THEMIS: variants seen among roughly 807,000 people sequenced by gnomAD.
THEMIS encodes the protein thymocyte selection associated, also known as protein THEMIS.
Under a neutral mutation model 52.6 loss-of-function variants are expected in THEMIS, and 37 were observed. The observed-to-expected ratio is 0.70, with a 90% CI of 0.54 to 0.93. THEMIS has a LOEUF of 0.93. Among genes scored for constraint, THEMIS ranks in the 40% least tolerant of loss-of-function variants. The probability of loss-of-function intolerance (pLI) is 0.00; values close to 1 mark genes in which losing one functional copy is unlikely to be tolerated. For synonymous variants in THEMIS, 292 were observed against 272.7 expected, an observed-to-expected ratio of 1.07 and a Z score of -0.70; for missense variants, 808 against 763.1, an observed-to-expected ratio of 1.06 and a Z score of -0.69.
At chr6:127,717,685 A>G (rs1052256931) in intron 5 of THEMIS, among the ~76,000 whole-genome samples, 2 of 151,914 alleles carry the variant, frequency 1.3e-5, no homozygotes, top group African/African-American at 4.8e-5. Context: ...TTGAATACCA[A>G]GATAACTAGT....
At chr6:127,696,800 T>C in the THEMIS span, among the ~76,000 whole-genome samples, 305 of 152,196 alleles carry the variant, frequency 2.0e-3, 1 homozygote, top group African/African-American at 7.0e-3. Context: ...TACATAGTCT[T>C]TCCTCTGTGC....
intron 2 of THEMIS, among the ~76,000 whole-genome samples, chr6:127,832,777 CTTTTTTTTT>C (rs11355741): frequency 1.7e-5 from 1 of 57,796 alleles, no homozygotes; most frequent in Non-Finnish European, 2.9e-5. Context: ...ATTGTCAGAT[CTTTTTTTTT>C]TTTTTTTTTT....
chr6:127,842,728 G>T (rs534231756), intron 2 of THEMIS, among the ~76,000 whole-genome samples: 1 of 152,010 alleles, frequency 6.6e-6, no homozygotes, highest in Admixed American at 6.6e-5. Context: ...ACATTCCAAG[G>T]TAATAAATAT....
chr6:127,761,635 A>G (rs1423901610), intron 4 of THEMIS, among the ~76,000 whole-genome samples: 1 of 152,164 alleles, frequency 6.6e-6, no homozygotes, highest in African/African-American at 2.4e-5. Flanking sequence ...CCTTCCCTAT[A>G]GAAAGGACCT....
At chr6:127,798,089 CGTAT>C (rs1310519464) in intron 4 of THEMIS, among the ~76,000 whole-genome samples, 4 of 152,114 alleles carry the variant, frequency 2.6e-5, no homozygotes, top group Admixed American at 1.3e-4. Context: ...GAATCATGCA[CGTAT>C]GTGTGTCTGA....
chr6:127,863,463 G>A (rs1779873459), intron 1 of THEMIS, among the ~76,000 whole-genome samples: 1 of 152,062 alleles, frequency 6.6e-6, no homozygotes, highest in Admixed American at 6.6e-5. Flanking sequence ...GCTTATCTGG[G>A]ATGTACACAC....
At chr6:127,712,303 C>G (rs1329886034) in intron 5 of THEMIS, among the ~76,000 whole-genome samples, 1 of 151,906 alleles carries the variant, frequency 6.6e-6, no homozygotes, top group African/African-American at 2.4e-5. Flanking sequence ...CCTGCCTGAT[C>G]TAACCCAATC....
At chr6:127,880,347 C>G (rs1456972511) in intron 1 of THEMIS, among the ~76,000 whole-genome samples, 1 of 151,948 alleles carries the variant, frequency 6.6e-6, no homozygotes. Flanking sequence ...ACTCTTTGAG[C>G]AAGCCAAATA....
the THEMIS span, among the ~76,000 whole-genome samples, chr6:127,697,251 C>T: frequency 6.6e-6 from 1 of 152,178 alleles, no homozygotes; most frequent in South Asian, 2.1e-4. Context: ...TGACTCCTCT[C>T]TATTTCCCAC....
intron 4 of THEMIS, among the ~76,000 whole-genome samples, chr6:127,771,589 GA>G (rs1210685251): frequency 1.3e-5 from 2 of 152,120 alleles, no homozygotes; most frequent in Non-Finnish European, 2.9e-5. Context: ...GAACAGAACA[GA>G]AGCCTCAGAA....
chr6:127,832,992 C>T (rs1778750955), intron 2 of THEMIS, among the ~76,000 whole-genome samples: 1 of 151,812 alleles, frequency 6.6e-6, no homozygotes, highest in Non-Finnish European at 1.5e-5. Flanking sequence ...CCATGTTGGC[C>T]AAGCTGGTCT....
Position 127,813,639 on chromosome 6 carries a change from G to A in THEMIS, c.1002C>T (p.Ile334=), listed in dbSNP as rs1393022141. 6.2e-7 allele frequency: 1 copy of A among 1,614,004 alleles called. No individual in the cohort carries two copies. Among genetic ancestry groups the A allele is most frequent in the Admixed American group, 1.7e-5 (1 of 59,990 alleles). ...TGAACTTGCCTTTATAGCTAGTGGG[G>A]ATCAAGAAGTGTCTTTTAGGAAAAT... ...RSNFPKRHFL[I]PTSYKGKFKR... Residue 334 remains isoleucine, a synonymous_variant, in exon 4 of 6, where the codon ATC becomes ATT. Coordinates refer to ENST00000368248, the MANE Select transcript of THEMIS (RefSeq NM_001010923.3).
chr6:127,898,409 C>T (rs541287627), intron 1 of THEMIS, among the ~76,000 whole-genome samples: 17 of 151,740 alleles, frequency 1.1e-4, no homozygotes, highest in African/African-American at 4.1e-4. Flanking sequence ...CTTATAGAAT[C>T]AATTGATTTA....
chr6:127,840,598 T>C (rs1480718525), intron 2 of THEMIS, among the ~76,000 whole-genome samples: 1 of 152,096 alleles, frequency 6.6e-6, no homozygotes, highest in Non-Finnish European at 1.5e-5. Context: ...AATAAATACA[T>C]CTTATAGCTT....
chr6:127,834,173 G>T (rs866448867), intron 2 of THEMIS, among the ~76,000 whole-genome samples: 25 of 152,190 alleles, frequency 1.6e-4, no homozygotes, highest in Middle Eastern at 6.8e-3. Context: ...CTGAGTATTT[G>T]GGAGGGCAGA....
chr6:127,821,173 T>TGA (rs34348403), intron 3 of THEMIS, among the ~76,000 whole-genome samples: 229 of 149,466 alleles, frequency 1.5e-3, no homozygotes, highest in African/African-American at 3.0e-3. Flanking sequence ...TCTGTGTGTG[T>TGA]GAGAGAGAGA....
chr6:127,865,828 G>T (rs1779955224), intron 1 of THEMIS, among the ~76,000 whole-genome samples: 1 of 152,020 alleles, frequency 6.6e-6, no homozygotes, highest in South Asian at 2.1e-4. Flanking sequence ...GTTTGAACTG[G>T]ATTTAACACC....
At chr6:127,798,001 C>T (rs1006810868) in intron 4 of THEMIS, among the ~76,000 whole-genome samples, 1 of 152,202 alleles carries the variant, frequency 6.6e-6, no homozygotes, top group East Asian at 1.9e-4. Flanking sequence ...GTCAGTGAAA[C>T]AATCTGTTAG....
chr6:127,703,045 T>A, the THEMIS span, among the ~76,000 whole-genome samples: 7 of 109,618 alleles, frequency 6.4e-5, no homozygotes, highest in African/African-American at 2.1e-4. Flanking sequence ...GTTTTTTTTT[T>A]TTTTTTTTTT....
Sources: gnomAD v4.1 joint callset for allele counts (sites outside exome capture counted in the v4.1 genomes callset) on GRCh38, gnomAD v4.1.1 for gene constraint, MANE v1.5 for transcripts, NCBI Gene and HGNC (gene_info 2026-07-23, HGNC 2026-07-21) for gene names.